PSMG2: variants seen among roughly 807,000 people sequenced by gnomAD.
The protein encoded by PSMG2 is CD40 ligand-activated specific transcript 3.
Under a neutral mutation model 31.5 loss-of-function variants are expected in PSMG2, and 21 were observed. That is an observed-to-expected ratio of 0.67 (90% CI 0.47 to 0.96). The LOEUF (loss-of-function observed/expected upper bound fraction) is 0.96. Among genes scored for constraint, PSMG2 ranks in the 40% least tolerant of loss-of-function variants. The pLI is 0.00. For synonymous variants in PSMG2, 120 were observed against 110.4 expected (o/e 1.09, Z -0.54); for missense variants, 318 against 321.2 (o/e 0.99, Z 0.08).
chr18:12,714,554 C>T (rs796525549), intron 3 of PSMG2, among the ~76,000 whole-genome samples: 40 of 150,162 alleles, frequency 2.7e-4, no homozygotes, highest in African/African-American at 7.9e-4. Context: ...AATGCAGTGG[C>T]GTGATCTTGG....
At chr18:12,674,461 A>G in intron 1 of PSMG2, 1 of 1,125,630 alleles carries the variant, frequency 8.9e-7, no homozygotes, top group Non-Finnish European at 1.3e-6. Context: ...AAAAAAAGGA[A>G]ATTAAAAAAA....
At chr18:12,716,029 T>C (rs1449915412) in intron 3 of PSMG2, among the ~76,000 whole-genome samples, 1 of 152,236 alleles carries the variant, frequency 6.6e-6, no homozygotes, top group African/African-American at 2.4e-5. Context: ...CTTCCTTTCT[T>C]AACATTCCCT....
chr18:12,699,904 T>C (rs758260642), upstream of PSMG2: 1 of 1,579,110 alleles, frequency 6.3e-7, no homozygotes, highest in African/African-American at 1.4e-5. Flanking sequence ...CTCAACACTG[T>C]CCTAGAAAGG....
At chr18:12,712,819 A>G (rs1598682956) in intron 3 of PSMG2, 59 bp downstream of exon 3, 4 of 1,245,282 alleles carry the variant, frequency 3.2e-6, no homozygotes, top group Middle Eastern at 2.8e-4. Context: ...AATAAGTAAC[A>G]TTAGGGATTA....
intron 1 of PSMG2, chr18:12,680,917 G>C: frequency 8.2e-7 from 1 of 1,222,762 alleles, no homozygotes; most frequent in Middle Eastern, 2.6e-4. Flanking sequence ...AAAATTTATT[G>C]GCTGGGCACA....
chr18:12,691,962 G>A (rs1475213127), intron 1 of PSMG2, among the ~76,000 whole-genome samples: 1 of 151,892 alleles, frequency 6.6e-6, no homozygotes, highest in African/African-American at 2.4e-5. Context: ...CTCATGATCC[G>A]CCCGCCTTGG....
intron 1 of PSMG2, among the ~76,000 whole-genome samples, chr18:12,671,901 AC>A (rs1254860285): frequency 1.3e-5 from 2 of 151,590 alleles, no homozygotes; most frequent in Non-Finnish European, 2.9e-5. Flanking sequence ...GCTCATCACA[AC>A]CTCCGCCTCC....
At chr18:12,724,449 G>T in intron 5 of PSMG2, 50 bp from the exon 6 acceptor site, 1 of 1,522,652 alleles carries the variant, frequency 6.6e-7, no homozygotes, top group Non-Finnish European at 8.8e-7. Flanking sequence ...ACTAGAGTCA[G>T]CTCTTGTACC....
At chr18:12,674,391 A>G in intron 1 of PSMG2, 1 of 613,958 alleles carries the variant, frequency 1.6e-6, no homozygotes, top group South Asian at 2.3e-5. Context: ...ACAGTGAGCC[A>G]TAACTGTGCC....
intron 1 of PSMG2, among the ~76,000 whole-genome samples, chr18:12,683,854 T>C (rs985859245): frequency 1.3e-5 from 2 of 151,774 alleles, no homozygotes; most frequent in Non-Finnish European, 2.9e-5. Context: ...TTATTTACAA[T>C]TATAATTATG....
In PSMG2 at chr18:12,724,531, T is replaced by C; in HGVS notation, c.614T>C (p.Leu205Pro). 3 of 1,607,412 alleles carry C rather than the reference T, an allele frequency of 1.9e-6. No homozygotes were observed. The highest frequency in any genetic ancestry group is 1.7e-6 in the Non-Finnish European group (2 of 1,177,560). The change falls in exon 6 of 7, where the codon CTG becomes CCG. Residue 205 changes from leucine to proline, a missense_variant. Physicochemically the swap from Leu to Pro is moderately conservative, Grantham distance 98 (BLOSUM62 -3). Coordinates refer to ENST00000317615, the MANE Select transcript of PSMG2 (RefSeq NM_020232.5). ...CSKEIQMAVL[L>P]KFVSEGDNIP... The stretch of plus-strand genomic sequence containing the variant: ...AAAGAAATCCAAATGGCAGTTCTGC[T>C]GAAATTTGTTTCAGAAGGGGACAAC...
chr18:12,689,679 C>T (rs1468954495), intron 1 of PSMG2, among the ~76,000 whole-genome samples: 1 of 152,154 alleles, frequency 6.6e-6, no homozygotes, highest in East Asian at 1.9e-4. Context: ...TTCACTGCCT[C>T]ACTCCATCCT....
At chr18:12,666,436 G>GTA (rs1555640544) in intron 1 of PSMG2, among the ~76,000 whole-genome samples, 16,574 of 126,616 alleles carry the variant, frequency 0.13, 1,196 homozygotes, top group African/African-American at 0.14. Flanking sequence ...AAATTTTATG[G>GTA]TTTTTTTTTT....
chr18:12,697,404 A>G lies in PSMG2; in HGVS notation c.-36-9146A>G. ...TTGTTGAATCAGCCATTCTAGTTCC[A>G]TCACCTAGCAATATAATCCAAACGA... On this transcript the variant is annotated intron_variant, in intron 1 of 6. Coordinates refer to the PSMG2 transcript ENST00000585331. 3 of 1,604,900 alleles carry G rather than the reference A, an allele frequency of 1.9e-6. 1 individual carries two copies. In the South Asian group the frequency reaches 3.3e-5, roughly 18 times the overall value.
At chr18:12,688,861 T>C (rs545276366) in intron 1 of PSMG2, among the ~76,000 whole-genome samples, 1 of 152,338 alleles carries the variant, frequency 6.6e-6, no homozygotes, top group Admixed American at 6.5e-5. Context: ...ACGCCTATGA[T>C]CCCAGCACTT....
At chr18:12,709,038 T>TTTTA (rs1431807910) in intron 2 of PSMG2, among the ~76,000 whole-genome samples, 4 of 150,516 alleles carry the variant, frequency 2.7e-5, no homozygotes, top group African/African-American at 9.8e-5. Context: ...TTTTATTTTA[T>TTTTA]TTTATTTATT....
chr18:12,722,645 A>G (rs982390125), intron 5 of PSMG2, among the ~76,000 whole-genome samples: 10 of 152,198 alleles, frequency 6.6e-5, no homozygotes, highest in Non-Finnish European at 1.3e-4. Context: ...CATTCAGGAA[A>G]TGCGGATTTT....
intron 6 of PSMG2, chr18:12,725,001 A>G (rs909445387): frequency 7.8e-5 from 22 of 282,336 alleles, no homozygotes; most frequent in Admixed American, 2.5e-4. Flanking sequence ...TATGTATTAC[A>G]GTTGATATTT....
intron 1 of PSMG2, among the ~76,000 whole-genome samples, chr18:12,681,042 T>G (rs568653401): frequency 1.8e-3 from 280 of 151,884 alleles, no homozygotes; most frequent in Non-Finnish European, 3.5e-3. Context: ...CTACTAAAAA[T>G]ACAAAAATTA....
Sources: gnomAD v4.1 joint callset for allele counts (sites outside exome capture counted in the v4.1 genomes callset) on GRCh38, gnomAD v4.1.1 for gene constraint, MANE v1.5 for transcripts, NCBI Gene and HGNC (gene_info 2026-07-23, HGNC 2026-07-21) for gene names.